The following MYLIP variants were observed in gnomAD, a reference collection of about 807,000 sequenced individuals.
MYLIP encodes the protein E3 ubiquitin-protein ligase MYLIP.
In MYLIP, 26 loss-of-function variants were observed where a neutral mutation model predicts 45.8. The observed-to-expected ratio is 0.57, with a 90% CI of 0.42 to 0.79. The LOEUF (loss-of-function observed/expected upper bound fraction) is 0.79, where lower values mean the gene tolerates loss of function less well. Ranked by LOEUF, MYLIP falls within the 30% of genes least tolerant of loss-of-function variation. The pLI, the probability that MYLIP is intolerant of heterozygous loss-of-function variation, is 0.00. For synonymous variants in MYLIP, 213 were observed against 218.1 expected, an observed-to-expected ratio of 0.98 and a Z score of 0.21; for missense variants, 494 against 555.6, an observed-to-expected ratio of 0.89 and a Z score of 1.11.
At chr6:16,151,054 C>A (rs1272243597), downstream of MYLIP, among the ~76,000 whole-genome samples, 1 of 151,976 alleles carries the variant, frequency 6.6e-6, no homozygotes, top group African/African-American at 2.4e-5. Context: ...AATTTCCAAA[C>A]ACATGCATTA....
rs1759800947 is a variant in MYLIP at position 16,146,765 on chromosome 6, T to A, written c.*14T>A. 1 of 1,584,490 alleles carries A rather than the reference T, an allele frequency of 6.3e-7. No individual in the cohort carries two copies. Among genetic ancestry groups the A allele is most frequent in the Admixed American group, 1.7e-5 (1 of 58,328 alleles). On this transcript the variant is annotated 3_prime_UTR_variant, in exon 7 of 7. Transcript: ENST00000356840. ...ACTGTAATCTAATCTGTTGTGCTTT[T>A]GTTGGACTTGGCATGTTTCCATGAA...
downstream of MYLIP, chr6:16,148,375 C>T (rs1011218523): frequency 1.3e-5 from 2 of 149,314 alleles, no homozygotes; most frequent in African/African-American, 2.5e-5. Flanking sequence ...TTAATAATTT[C>T]GGTGCTCTAC....
At chr6:16,145,473 C>T (rs1312537222) in intron 6 of MYLIP, among the ~76,000 whole-genome samples, 156 bp downstream of exon 6, 2 of 152,164 alleles carry the variant, frequency 1.3e-5, no homozygotes, top group African/African-American at 4.8e-5. Context: ...AAAGGCATTG[C>T]CCTTTAGAAA....
At chr6:16,159,423 A>C in the MYLIP span, among the ~76,000 whole-genome samples, 1 of 152,196 alleles carries the variant, frequency 6.6e-6, no homozygotes, top group African/African-American at 2.4e-5. Context: ...TAAACACTGT[A>C]AGTATTGTGG....
chr6:16,130,386 C>T (rs1249395232), intron 1 of MYLIP, among the ~76,000 whole-genome samples, 171 bp from the exon 2 acceptor site: 3 of 152,152 alleles, frequency 2.0e-5, no homozygotes, highest in African/African-American at 7.2e-5. Context: ...TACTAGAGCT[C>T]GTGGTTTGGT....
downstream of MYLIP, among the ~76,000 whole-genome samples, chr6:16,152,376 T>G (rs377513682): frequency 8.7e-4 from 132 of 152,282 alleles, 1 homozygote; most frequent in African/African-American, 2.9e-3. Flanking sequence ...GTGGTTCTGG[T>G]TCAGGGGCAA....
rs1483874694 is a variant in MYLIP, at chr6:16,147,059, A to T, written c.*308A>T. 4.6e-6 allele frequency: 1 copy of T among 215,880 alleles called. No homozygotes were observed. Among genetic ancestry groups the T allele is most frequent in the Non-Finnish European group, 9.5e-6 (1 of 105,606 alleles). The allele number at this position is 215,880 out of a possible 1,614,324, so 13.4% of individuals were successfully genotyped here. A position where few individuals can be genotyped will look rare whatever the true frequency, so the allele number is the denominator to read the frequency against. ...TCTTTGATGTCAGTGAAGTGGCAAC[A>T]TAGCCAAAAAGTTGGGTACCTTTTA... On this transcript the variant is annotated 3_prime_UTR_variant, in exon 7 of 7. Transcript: ENST00000356840.
chr6:16,157,650 CTGGAT>C, the MYLIP span, among the ~76,000 whole-genome samples: 2 of 152,222 alleles, frequency 1.3e-5, no homozygotes, highest in Admixed American at 1.3e-4. Flanking sequence ...TTGGATCTGA[CTGGAT>C]TGAAGAGCCG....
intron 4 of MYLIP, 43 bp downstream of exon 4, chr6:16,143,260 C>T (rs1581607498): frequency 1.3e-6 from 2 of 1,561,060 alleles, no homozygotes; most frequent in Admixed American, 1.7e-5. Flanking sequence ...CATGTGTATA[C>T]ATCTGTAGCT....
At chr6:16,152,351 G>A (rs957808558), downstream of MYLIP, among the ~76,000 whole-genome samples, 3 of 152,154 alleles carry the variant, frequency 2.0e-5, no homozygotes, top group Admixed American at 6.5e-5. Flanking sequence ...CAGGCTCTCC[G>A]TTAGGGCTAG....
intron 4 of MYLIP, 57 bp downstream of exon 4, chr6:16,143,274 A>G (rs974292280): frequency 6.6e-6 from 10 of 1,520,070 alleles, no homozygotes; most frequent in South Asian, 5.7e-5. Flanking sequence ...TGTAGCTGTC[A>G]ATGTAATAGA....
chr6:16,146,879 AAAG>A lies in MYLIP; in HGVS notation c.*129_*131del. ...TGCCATGCGATGTTAAAAAAAAAAA[AAAG>A]GAAGAAAAATAACACAGCTACTCCT... is the stretch of plus-strand genomic sequence containing the variant. On this transcript the variant is annotated 3_prime_UTR_variant, in exon 7 of 7. Transcript: ENST00000356840. 1 of 817,316 alleles carries A rather than the reference AAAG, an allele frequency of 1.2e-6. No homozygotes were observed. The highest frequency in any genetic ancestry group is 1.9e-6 in the Non-Finnish European group (1 of 534,820). 50.6% of individuals were successfully genotyped at this position (817,316 alleles called of 1,614,324 possible).
chr6:16,159,489 C>T, the MYLIP span, among the ~76,000 whole-genome samples: 1 of 152,190 alleles, frequency 6.6e-6, no homozygotes, highest in Non-Finnish European at 1.5e-5. Flanking sequence ...GAAAAGTTAG[C>T]TAACTGTGTT....
Position 16,129,135 on chromosome 6 carries a change from C to G in MYLIP, c.-188C>G, listed in dbSNP as rs1022020750. 12 of 586,906 alleles carry G rather than the reference C, an allele frequency of 2.0e-5. No homozygotes were observed. Among genetic ancestry groups the G allele is most frequent in the Non-Finnish European group, 3.3e-5 (11 of 336,558 alleles). The allele number at this position is 586,906 out of a possible 1,614,324, so 36.4% of individuals were successfully genotyped here. A position where few individuals can be genotyped will look rare whatever the true frequency, so the allele number is the denominator to read the frequency against. ...CACCGCGGAGGACAGGGGCAGCTGG[C>G]GGGCAGCGGGTGAGGGGGTGGCGGG... On this transcript the variant is annotated 5_prime_UTR_variant, in exon 1 of 7. Transcript: ENST00000356840. This position sits in a 1 kb window ranked among gnomAD's most constrained non-coding sequence, Gnocchi z 5.1.
At chr6:16,161,831 TA>T in the MYLIP span, among the ~76,000 whole-genome samples, 2 of 152,226 alleles carry the variant, frequency 1.3e-5, no homozygotes. Context: ...CTTTATATAG[TA>T]AAAATGAGAA....
Position 16,143,833 on chromosome 6 carries a change from G to A in MYLIP, c.797G>A (p.Arg266Gln), listed in dbSNP as rs1368148299. Residue 266 changes from arginine (R) to glutamine (Q), a missense_variant, in exon 5 of 7, where the codon CGA (arginine) becomes CAA (glutamine). Transcript: ENST00000356840. ...ISTRAASGLY[R>Q]AITETHAFYR... is the part of the protein sequence containing the mutation. ...ACCAGGGCGGCCAGCGGGCTCTACC[G>A]AGCGATAACAGAGACGCACGCATTC... 3 of 1,613,282 alleles carry A rather than the reference G, an allele frequency of 1.9e-6. No homozygotes were observed. The highest frequency in any genetic ancestry group is 1.7e-6 in the Non-Finnish European group (2 of 1,179,824).
At chr6:16,148,509 A>T (rs1759840335), downstream of MYLIP, among the ~76,000 whole-genome samples, 1 of 150,452 alleles carries the variant, frequency 6.6e-6, no homozygotes, top group South Asian at 2.1e-4. Flanking sequence ...AGATCACTTC[A>T]CCAGGTTATT....
At chr6:16,149,448 CAGATCCTTG>C (rs1019672644), downstream of MYLIP, among the ~76,000 whole-genome samples, 3 of 152,208 alleles carry the variant, frequency 2.0e-5, no homozygotes, top group Non-Finnish European at 2.9e-5. Flanking sequence ...AAGATCTGAG[CAGATCCTTG>C]ACATTCTAGT....
intron 2 of MYLIP, among the ~76,000 whole-genome samples, chr6:16,137,802 G>C (rs544469607): frequency 3.9e-5 from 6 of 152,212 alleles, no homozygotes; most frequent in African/African-American, 1.2e-4. Flanking sequence ...GAGAAAATTT[G>C]AAGTACTTTG....
Sources: allele counts gnomAD v4.1 joint callset (sites outside exome capture counted in the v4.1 genomes callset), GRCh38; gene constraint gnomAD v4.1.1; non-coding constraint Gnocchi (gnomAD v3.1); transcripts MANE v1.5; gene names NCBI Gene and HGNC (gene_info 2026-07-23, HGNC 2026-07-21).